SPAG16: variants seen among roughly 807,000 people sequenced by gnomAD.
SPAG16 encodes the protein sperm associated antigen 16.
In SPAG16, 86 loss-of-function variants were observed where a neutral mutation model predicts 80.4. That is an observed-to-expected ratio of 1.07 (90% CI 0.90 to 1.28). SPAG16 has a LOEUF of 1.28. Ranked by LOEUF, SPAG16 falls within the 50% of genes most tolerant of loss-of-function variation. The pLI, the probability that SPAG16 is intolerant of heterozygous loss-of-function variation, is 0.00. For synonymous variants in SPAG16, 294 were observed against 265.9 expected (o/e 1.11, Z -1.03); for missense variants, 870 against 765.3 (o/e 1.14, Z -1.61).
chr2:213,369,067 G>A (rs2066488526), intron 8 of SPAG16, among the ~76,000 whole-genome samples: 1 of 151,990 alleles, frequency 6.6e-6, no homozygotes, highest in Non-Finnish European at 1.5e-5. Flanking sequence ...ACAATAAAAT[G>A]GTATTTTTAA....
intron 15 of SPAG16, among the ~76,000 whole-genome samples, chr2:214,303,589 G>A (rs907650540): frequency 6.6e-6 from 1 of 152,062 alleles, no homozygotes; most frequent in African/African-American, 2.4e-5. Context: ...GTCTGAAGAC[G>A]ATATGCTTTG....
chr2:213,423,111 G>A (rs1467506135), intron 9 of SPAG16, among the ~76,000 whole-genome samples: 2 of 152,256 alleles, frequency 1.3e-5, no homozygotes, highest in South Asian at 2.1e-4. Context: ...TCTCATTTAG[G>A]GAGATGAATC....
At chr2:213,772,959 T>G (rs2069343681) in intron 10 of SPAG16, among the ~76,000 whole-genome samples, 1 of 152,142 alleles carries the variant, frequency 6.6e-6, no homozygotes, top group African/African-American at 2.4e-5. Flanking sequence ...TGAGATGCTT[T>G]TATATACAAT....
chr2:213,575,049 G>A (rs923233890), intron 10 of SPAG16, among the ~76,000 whole-genome samples: 42 of 152,096 alleles, frequency 2.8e-4, no homozygotes, highest in African/African-American at 8.0e-4. Context: ...CTGGTGAAAA[G>A]CTTTTTCTTG....
chr2:214,370,851 G>A (rs1043405258), intron 15 of SPAG16, among the ~76,000 whole-genome samples: 7 of 152,122 alleles, frequency 4.6e-5, no homozygotes, highest in Admixed American at 1.3e-4. Context: ...ATAGGCATAC[G>A]TTAGAGCAAA....
At chr2:214,241,279 A>C (rs1312775265) in intron 15 of SPAG16, 1 of 150,110 alleles carries the variant, frequency 6.7e-6, no homozygotes, top group African/African-American at 2.5e-5. Flanking sequence ...AATTGCTTGA[A>C]CCTGAGAGGC....
At chr2:213,308,593 T>C (rs2063048066) in intron 3 of SPAG16, among the ~76,000 whole-genome samples, 1 of 152,134 alleles carries the variant, frequency 6.6e-6, no homozygotes, top group South Asian at 2.1e-4. Flanking sequence ...TTCACTTATA[T>C]AGGCAGAAAC....
At chr2:213,821,385 CAG>C (rs2072923368) in intron 10 of SPAG16, among the ~76,000 whole-genome samples, 1 of 151,898 alleles carries the variant, frequency 6.6e-6, no homozygotes, top group South Asian at 2.1e-4. Context: ...TCATAATAAA[CAG>C]GGATTAGGTT....
chr2:214,404,453 T>C (rs1173450065), intron 15 of SPAG16, among the ~76,000 whole-genome samples: 1 of 152,198 alleles, frequency 6.6e-6, no homozygotes, highest in African/African-American at 2.4e-5. Flanking sequence ...ACTGCGATCA[T>C]TGTTCTGTTT....
At chr2:214,114,110 T>A (rs1014259763) in intron 14 of SPAG16, among the ~76,000 whole-genome samples, 1 of 152,318 alleles carries the variant, frequency 6.6e-6, no homozygotes, top group East Asian at 1.9e-4. Flanking sequence ...TGGAGTTTGC[T>A]GGAGGTCCAC....
intron 10 of SPAG16, among the ~76,000 whole-genome samples, chr2:213,614,131 G>A (rs1304738321): frequency 6.6e-6 from 1 of 152,152 alleles, no homozygotes; most frequent in Non-Finnish European, 1.5e-5. Context: ...TTGTTGGCTG[G>A]GGTGTGTGTA....
intron 7 of SPAG16, among the ~76,000 whole-genome samples, chr2:213,358,207 A>G (rs2065778473): frequency 6.6e-6 from 1 of 151,682 alleles, no homozygotes; most frequent in Non-Finnish European, 1.5e-5. Flanking sequence ...CTTCATTTCA[A>G]CCTTGGTGAA....
intron 15 of SPAG16, among the ~76,000 whole-genome samples, chr2:214,275,474 G>C (rs1157959119): frequency 1.3e-5 from 2 of 152,226 alleles, no homozygotes; most frequent in African/African-American, 2.4e-5. Flanking sequence ...ATGTGTCCCA[G>C]AGATTCTGGT....
intron 10 of SPAG16, among the ~76,000 whole-genome samples, chr2:213,664,126 A>G (rs926288800): frequency 6.6e-6 from 1 of 151,898 alleles, no homozygotes; most frequent in Non-Finnish European, 1.5e-5. Flanking sequence ...TCCCTGTCAT[A>G]TTGCCTTTTC....
intron 15 of SPAG16, among the ~76,000 whole-genome samples, chr2:214,244,394 G>GAAAAAAAAAAAAAAAAAATAAA (rs5838420): frequency 8.1e-6 from 1 of 124,040 alleles, no homozygotes; most frequent in African/African-American, 2.9e-5. Context: ...CTGAAGTTCC[G>GAAAAAAAAAAAAAAAAAATAAA]AAAAAAAAAA....
intron 13 of SPAG16, among the ~76,000 whole-genome samples, chr2:214,078,516 A>T (rs1489341988): frequency 7.0e-6 from 1 of 143,110 alleles, no homozygotes; most frequent in Non-Finnish European, 1.5e-5. Flanking sequence ...AGATCACACC[A>T]CTGTAAGAGC....
intron 10 of SPAG16, among the ~76,000 whole-genome samples, chr2:213,840,893 C>G (rs956837398): frequency 6.6e-6 from 1 of 152,024 alleles, no homozygotes; most frequent in Non-Finnish European, 1.5e-5. Context: ...GAAACTAAGA[C>G]CATAAGCTAA....
At chr2:213,434,854 G>C (rs988887718) in intron 9 of SPAG16, among the ~76,000 whole-genome samples, 1 of 152,144 alleles carries the variant, frequency 6.6e-6, no homozygotes, top group Non-Finnish European at 1.5e-5. Flanking sequence ...TTTAGACACT[G>C]TTTATGGGAA....
chr2:213,407,859 G>A (rs1265007526), intron 9 of SPAG16, among the ~76,000 whole-genome samples: 1 of 136,980 alleles, frequency 7.3e-6, no homozygotes, highest in Non-Finnish European at 1.6e-5. Context: ...GAGGCAGAGA[G>A]AGAGACAGGA....
Sources: allele counts gnomAD v4.1 joint callset (sites outside exome capture counted in the v4.1 genomes callset), GRCh38; gene constraint gnomAD v4.1.1; transcripts MANE v1.5; gene names NCBI Gene and HGNC (gene_info 2026-07-23, HGNC 2026-07-21).